Variants in SF3B6 observed in about 807,000 individuals in gnomAD.
SF3B6 encodes the protein SF3b 14 kDa subunit.
Under a neutral mutation model 15.9 loss-of-function variants are expected in SF3B6, and 3 were observed. The ratio of observed to expected loss-of-function variants is 0.19; its 90% CI spans 0.09 to 0.49. The LOEUF is 0.49. Ranked by LOEUF, SF3B6 falls within the 20% of genes least tolerant of loss-of-function variation. SF3B6 has a pLI of 0.97. For synonymous variants in SF3B6, 49 were observed against 51.1 expected (o/e 0.96, Z 0.18); for missense variants, 71 against 154.3 (o/e 0.46, Z 2.86).
chr2:24,074,812 C>T (rs751157388), intron 1 of SF3B6, among the ~76,000 whole-genome samples: 1 of 152,166 alleles, frequency 6.6e-6, no homozygotes, highest in Non-Finnish European at 1.5e-5. Context: ...TAAAGATACA[C>T]CTATATCACA....
At chr2:24,071,508 G>A (rs1189689317) in intron 2 of SF3B6, among the ~76,000 whole-genome samples, 4 of 152,156 alleles carry the variant, frequency 2.6e-5, no homozygotes, top group South Asian at 2.1e-4. Flanking sequence ...AGGAGGCTGA[G>A]GCTGGAGAAC....
chr2:24,068,374 C>A lies in SF3B6; in HGVS notation c.235G>T (p.Gly79Ter), dbSNP rs1181443681. The A allele has an allele frequency of 6.2e-7, 1 of 1,614,088 alleles. No homozygotes were observed. Among genetic ancestry groups the A allele is most frequent in the Admixed American group, 1.7e-5 (1 of 60,008 alleles). Reference protein sequence around the residue: ...DAKNACDHLSGFNVCNRYLVV... With the variant: ...DAKNACDHLS ...AGGTATCTGTTACAAACATTGAATC[C>A]CGATAGGTGATCACATGCATTCTTG... The change falls in exon 3 of 4, where the codon GGA (glycine) becomes TGA (stop). Residue 79 changes from glycine to a stop codon, truncating the protein, a stop_gained. Transcript: ENST00000233468. LOFTEE classifies it high-confidence loss of function.
At chr2:24,071,324 G>C (rs1012678937) in intron 2 of SF3B6, among the ~76,000 whole-genome samples, 2 of 152,212 alleles carry the variant, frequency 1.3e-5, no homozygotes, top group Admixed American at 6.5e-5. Context: ...AAATGTTTCG[G>C]CTTGGCACGG....
chr2:24,068,050 C>T (rs1371787398), intron 3 of SF3B6, among the ~76,000 whole-genome samples, 199 bp from the exon 4 acceptor site: 1 of 152,178 alleles, frequency 6.6e-6, no homozygotes, highest in Non-Finnish European at 1.5e-5. Flanking sequence ...GCAGGCTCCA[C>T]CCCCTGGGGT....
intron 2 of SF3B6, among the ~76,000 whole-genome samples, chr2:24,073,199 C>T (rs1416056210): frequency 2.0e-5 from 3 of 152,170 alleles, no homozygotes; most frequent in Admixed American, 1.3e-4. Flanking sequence ...TCATACAAGA[C>T]GGAATTCCGA....
intron 2 of SF3B6, among the ~76,000 whole-genome samples, chr2:24,073,111 C>T (rs1664682687): frequency 6.6e-6 from 1 of 152,216 alleles, no homozygotes; most frequent in African/African-American, 2.4e-5. Context: ...TCTTGGTTTA[C>T]TCTCTGGAGG....
At chr2:24,071,274 A>G (rs1433757023) in intron 2 of SF3B6, among the ~76,000 whole-genome samples, 1 of 152,208 alleles carries the variant, frequency 6.6e-6, no homozygotes, top group Non-Finnish European at 1.5e-5. Flanking sequence ...TACAGGCGTG[A>G]GCCACTGCGC....
intron 2 of SF3B6, among the ~76,000 whole-genome samples, chr2:24,071,843 T>A (rs1011470571): frequency 6.6e-6 from 1 of 152,182 alleles, no homozygotes. Context: ...TGCCCCTGCT[T>A]TATTCCCTGT....
At chr2:24,075,355 T>G (rs200198159) in intron 1 of SF3B6, among the ~76,000 whole-genome samples, 4,283 of 79,692 alleles carry the variant, frequency 0.054, 87 homozygotes, top group South Asian at 0.1. Context: ...CTTTCTTTCT[T>G]TCTGTTTTTT....
chr2:24,076,155 C>A, intron 1 of SF3B6, 45 bp downstream of exon 1: 1 of 1,613,816 alleles, frequency 6.2e-7, no homozygotes, highest in Non-Finnish European at 8.5e-7. Context: ...CTAAGAAAGT[C>A]AAACCCGAAG....
chr2:24,072,187 A>T (rs1305836360), intron 2 of SF3B6, among the ~76,000 whole-genome samples: 2 of 151,808 alleles, frequency 1.3e-5, no homozygotes, highest in African/African-American at 4.8e-5. Context: ...GGGTTTCACC[A>T]TTTGGCCAGG....
chr2:24,073,368 C>G (rs1010677909), intron 2 of SF3B6, among the ~76,000 whole-genome samples: 2 of 152,068 alleles, frequency 1.3e-5, no homozygotes, highest in African/African-American at 4.8e-5. Flanking sequence ...TGTAGAGGTT[C>G]AATTTAGAGT....
intron 2 of SF3B6, among the ~76,000 whole-genome samples, chr2:24,071,009 T>C (rs1664643676): frequency 6.6e-6 from 1 of 152,152 alleles, no homozygotes; most frequent in African/African-American, 2.4e-5. Context: ...TTTTTTCTTT[T>C]TGAGACGGAG....
chr2:24,072,854 C>T (rs1040720352), intron 2 of SF3B6, among the ~76,000 whole-genome samples: 1 of 152,200 alleles, frequency 6.6e-6, no homozygotes, highest in Non-Finnish European at 1.5e-5. Context: ...GGCAGGGATT[C>T]GCCATGTTGG....
intron 2 of SF3B6, among the ~76,000 whole-genome samples, chr2:24,071,034 C>A (rs911906449): frequency 2.6e-5 from 4 of 152,050 alleles, no homozygotes; most frequent in African/African-American, 9.7e-5. Flanking sequence ...ACTCTGTCGC[C>A]CAGGCTGGAG....
At chr2:24,068,542 G>GT in intron 2 of SF3B6, 83 bp from the exon 3 acceptor site, 1 of 1,249,908 alleles carries the variant, frequency 8.0e-7, no homozygotes, top group Non-Finnish European at 1.1e-6. Context: ...TTTTAAACTG[G>GT]TAACTGTCTT....
At chr2:24,072,749 T>C (rs960026321) in intron 2 of SF3B6, among the ~76,000 whole-genome samples, 1 of 152,106 alleles carries the variant, frequency 6.6e-6, no homozygotes, top group African/African-American at 2.4e-5. Context: ...CCAGATTATC[T>C]CATACATGAA....
At chr2:24,069,466 C>A (rs1185794969) in intron 2 of SF3B6, among the ~76,000 whole-genome samples, 1 of 152,164 alleles carries the variant, frequency 6.6e-6, no homozygotes, top group Non-Finnish European at 1.5e-5. Flanking sequence ...TTAGTGGAGA[C>A]AATGGGTAGA....
chr2:24,069,827 G>T (rs1664625783), intron 2 of SF3B6, among the ~76,000 whole-genome samples: 1 of 152,090 alleles, frequency 6.6e-6, no homozygotes, highest in African/African-American at 2.4e-5. Flanking sequence ...TGTTCTTTAG[G>T]CTCTGGCAAG....
Sources: allele counts gnomAD v4.1 joint callset (sites outside exome capture counted in the v4.1 genomes callset), GRCh38; gene constraint gnomAD v4.1.1; transcripts MANE v1.5; gene names NCBI Gene and HGNC (gene_info 2026-07-23, HGNC 2026-07-21).